The following EHBP1 variants were observed in gnomAD, a reference collection of about 807,000 sequenced individuals.
The protein encoded by EHBP1 is EH domain-binding protein 1.
Under a neutral mutation model 144.0 loss-of-function variants are expected in EHBP1, and 55 were observed. That is an observed-to-expected ratio of 0.38 (90% CI 0.31 to 0.48). The LOEUF is 0.48. Among genes scored for constraint, EHBP1 ranks in the 20% least tolerant of loss-of-function variants. The pLI is 0.98. For synonymous variants in EHBP1, 469 were observed against 472.7 expected, an observed-to-expected ratio of 0.99 and a Z score of 0.10; for missense variants, 1,200 against 1,364.2, an observed-to-expected ratio of 0.88 and a Z score of 1.90.
At chr2:62,748,014 A>G (rs1459302065) in intron 3 of EHBP1, among the ~76,000 whole-genome samples, 1 of 151,962 alleles carries the variant, frequency 6.6e-6, no homozygotes, top group Non-Finnish European at 1.5e-5. Flanking sequence ...TCTGCTCTTT[A>G]TTTATTACTC....
At position 62,674,599 on chromosome 2, in the gene EHBP1, C is replaced by T. The variant is rs79778329; in HGVS notation, c.-296+516C>T. Among the ~76,000 whole-genome samples, 102 of 152,240 alleles carry T rather than the reference C, an allele frequency of 6.7e-4. 1 individual carries two copies. In the East Asian group the frequency reaches 0.015, roughly 22 times the overall value. On this transcript the variant is annotated intron_variant, in intron 1 of 22. Transcript: ENST00000405015. Reference sequence around the variant, plus strand: ...CTGTATAAGTTGACACAATTTATGACCTATAAGTTTTCTATGATAAAACTT... The same window carrying T: ...CTGTATAAGTTGACACAATTTATGATCTATAAGTTTTCTATGATAAAACTT...
chr2:62,723,728 C>T (rs998914444), intron 2 of EHBP1, among the ~76,000 whole-genome samples: 4 of 152,140 alleles, frequency 2.6e-5, no homozygotes, highest in Non-Finnish European at 4.4e-5. Flanking sequence ...ATTTCTCCTT[C>T]GCTTATGAAG....
chr2:62,908,130 A>T (rs529496208), intron 10 of EHBP1, among the ~76,000 whole-genome samples: 3 of 152,208 alleles, frequency 2.0e-5, no homozygotes, highest in African/African-American at 7.2e-5. Context: ...TTAAATTTCT[A>T]TAATAGCGGT....
intron 14 of EHBP1, among the ~76,000 whole-genome samples, chr2:62,958,742 T>G (rs974998507): frequency 1.3e-5 from 2 of 152,160 alleles, no homozygotes; most frequent in Admixed American, 1.3e-4. Flanking sequence ...ACAAGAACAT[T>G]AAAAATACGT....
At chr2:62,916,516 C>G (rs1397678422) in intron 10 of EHBP1, among the ~76,000 whole-genome samples, 1 of 151,536 alleles carries the variant, frequency 6.6e-6, no homozygotes, top group Non-Finnish European at 1.5e-5. Context: ...TCACTTGAAC[C>G]CTGGAGGTGG....
chr2:62,906,353 C>T (rs1192142986), intron 10 of EHBP1, among the ~76,000 whole-genome samples: 1 of 152,076 alleles, frequency 6.6e-6, no homozygotes, highest in Non-Finnish European at 1.5e-5. Flanking sequence ...ATTCCTGTTG[C>T]TATATCATAA....
chr2:62,872,388 T>A (rs1473339316), intron 9 of EHBP1, among the ~76,000 whole-genome samples: 3 of 152,082 alleles, frequency 2.0e-5, no homozygotes, highest in Non-Finnish European at 4.4e-5. Flanking sequence ...TGAAATAGAT[T>A]TTTCAAATCA....
At chr2:62,753,607 G>C (rs1450257227) in intron 3 of EHBP1, among the ~76,000 whole-genome samples, 2 of 152,072 alleles carry the variant, frequency 1.3e-5, no homozygotes, top group East Asian at 3.9e-4. Flanking sequence ...TTTCCAACTT[G>C]GTTCCATTCT....
At chr2:62,898,360 G>A (rs1163939504) in intron 10 of EHBP1, among the ~76,000 whole-genome samples, 1 of 152,134 alleles carries the variant, frequency 6.6e-6, no homozygotes, top group African/African-American at 2.4e-5. Flanking sequence ...TGAGCCGTGA[G>A]CTCTCCTGAA....
At chr2:62,798,236 C>T (rs1042253948) in intron 5 of EHBP1, among the ~76,000 whole-genome samples, 4 of 152,000 alleles carry the variant, frequency 2.6e-5, no homozygotes, top group African/African-American at 4.8e-5. Flanking sequence ...AGAGTGGTGG[C>T]GCATGCCTTT....
exon 1 of EHBP1, chr2:62,673,927 A>G: frequency 2.4e-6 from 1 of 424,268 alleles, no homozygotes; most frequent in Admixed American, 2.8e-5. Flanking sequence ...GAGACTGGGG[A>G]TTTGGAGGTC....
intron 18 of EHBP1, among the ~76,000 whole-genome samples, chr2:62,995,927 T>C (rs528816939): frequency 6.6e-6 from 1 of 152,220 alleles, no homozygotes; most frequent in East Asian, 1.9e-4. Context: ...CTTGGCTAAA[T>C]GGAAGATTAA....
At chr2:62,797,185 C>T (rs1320370723) in intron 5 of EHBP1, among the ~76,000 whole-genome samples, 1 of 152,194 alleles carries the variant, frequency 6.6e-6, no homozygotes, top group Admixed American at 6.5e-5. Flanking sequence ...ATACTGCTTA[C>T]AGTTCTGACT....
rs2152654756 is a variant in EHBP1, at chr2:62,831,008, C to T, written c.495-11C>T. ...TAGTACAATGTGTTATATTTTGAAT[C>T]ATTGATGTAGAGATGAAGACATGCA... is the stretch of plus-strand genomic sequence containing the variant. On this transcript the variant is annotated splice_polypyrimidine_tract_variant and intron_variant, in intron 6 of 22. Coordinates refer to ENST00000431489, the MANE Select transcript of EHBP1 (RefSeq NM_001142616.3). 1 of 1,607,864 alleles carries T rather than the reference C, an allele frequency of 6.2e-7. No individual in the cohort carries two copies. Among genetic ancestry groups the T allele is most frequent in the East Asian group, 2.2e-5 (1 of 44,500 alleles).
chr2:62,868,615 C>T (rs187147868), intron 9 of EHBP1, among the ~76,000 whole-genome samples: 11 of 151,814 alleles, frequency 7.2e-5, no homozygotes, highest in Admixed American at 2.6e-4. Flanking sequence ...TGGCAAAAGA[C>T]GTATCCAGAA....
At chr2:62,927,636 G>A (rs1289456772) in intron 10 of EHBP1, among the ~76,000 whole-genome samples, 1 of 152,122 alleles carries the variant, frequency 6.6e-6, no homozygotes, top group African/African-American at 2.4e-5. Context: ...GCCAGAATCG[G>A]AAGTAGACAT....
intron 10 of EHBP1, among the ~76,000 whole-genome samples, chr2:62,902,873 A>C (rs2053526072): frequency 6.6e-6 from 1 of 152,202 alleles, no homozygotes. Flanking sequence ...AAAAGATATT[A>C]GTTTGTTATA....
intron 3 of EHBP1, among the ~76,000 whole-genome samples, chr2:62,749,808 T>C (rs2039508139): frequency 6.6e-6 from 1 of 152,246 alleles, no homozygotes; most frequent in Non-Finnish European, 1.5e-5. Context: ...TTCATATCCT[T>C]TGCCCACTTG....
intron 1 of EHBP1, among the ~76,000 whole-genome samples, chr2:62,692,155 C>T (rs1221203376): frequency 1.3e-5 from 2 of 152,194 alleles, no homozygotes; most frequent in Non-Finnish European, 2.9e-5. Flanking sequence ...CAACTGGCTT[C>T]TTTCACTTAA....
Sources: gnomAD v4.1 joint callset for allele counts (sites outside exome capture counted in the v4.1 genomes callset) on GRCh38, gnomAD v4.1.1 for gene constraint, MANE v1.5 for transcripts, NCBI Gene and HGNC (gene_info 2026-07-23, HGNC 2026-07-21) for gene names.